The following PDCD4 variants were observed in gnomAD, a reference collection of about 807,000 sequenced individuals.
PDCD4 encodes the protein programmed cell death 4.
Under a neutral mutation model 54.0 loss-of-function variants are expected in PDCD4, and 56 were observed. The observed-to-expected ratio is 1.04, with a 90% confidence interval of 0.84 to 1.30. The LOEUF (loss-of-function observed/expected upper bound fraction) is 1.30, where lower values mean the gene tolerates loss of function less well. PDCD4 is among the 50% of genes most tolerant of loss of function. The pLI, the probability that PDCD4 is intolerant of heterozygous loss-of-function variation, is 0.00. For missense variants in PDCD4, 584 were observed against 559.8 expected (o/e 1.04, Z -0.44); for synonymous variants, 186 against 194.8 (o/e 0.95, Z 0.37).
intron 2 of PDCD4, among the ~76,000 whole-genome samples, chr10:110,877,198 G>A (rs1206589072): frequency 2.6e-5 from 4 of 152,142 alleles, no homozygotes; most frequent in Admixed American, 6.5e-5. Context: ...AATTGAGATG[G>A]GGATGGTAAT....
chr10:110,895,864 A>C (rs1305190574), intron 10 of PDCD4, 84 bp from the exon 11 acceptor site: 2 of 1,022,742 alleles, frequency 2.0e-6, no homozygotes, highest in Non-Finnish European at 2.8e-6. Context: ...CTTAAATACA[A>C]ATTGATGACA....
intron 7 of PDCD4, 84 bp from the exon 8 acceptor site, chr10:110,890,472 T>C (rs1191631942): frequency 3.3e-6 from 2 of 599,278 alleles, no homozygotes; most frequent in Non-Finnish European, 5.7e-6. Flanking sequence ...TTAGGGCATA[T>C]AGGATTTTGT....
In PDCD4 at chr10:110,872,891, T is replaced by G. The variant is rs74413566; in HGVS notation, c.-63+873T>G. Among the ~76,000 whole-genome samples the G allele has an allele frequency of 5.6e-3, 857 of 152,144 alleles. 5 individuals are homozygous for G. Among genetic ancestry groups the G allele is most frequent in the African/African-American group, 0.02 (820 of 41,498 alleles). On this transcript the variant is annotated intron_variant, in intron 1 of 11. Coordinates refer to ENST00000280154, the MANE Select transcript of PDCD4 (RefSeq NM_014456.5). ...TTCAAAACTGTCTGCAGACGTCAATTTCGCCCCCCTCCCCCTTGTGAGAAC... is the reference window on the plus strand; with the variant it reads ...TTCAAAACTGTCTGCAGACGTCAATGTCGCCCCCCTCCCCCTTGTGAGAAC...
Position 110,879,177 on chromosome 10 carries a change from T to G in PDCD4, c.44-2056T>G, listed in dbSNP as rs1477320717. The stretch of plus-strand genomic sequence containing the variant: ...CTTGTGACTGAATTACTGAAGCATT[T>G]TCTTAGCGGTTTCCTACTTTATACT... On this transcript the variant is annotated intron_variant, in intron 2 of 11. Coordinates refer to ENST00000280154, the MANE Select transcript of PDCD4 (RefSeq NM_014456.5). 1.3e-4 allele frequency among the ~76,000 whole-genome samples: 20 copies of G among 152,218 alleles called. 1 individual carries two copies. The highest frequency in any genetic ancestry group is 1.3e-3 in the Admixed American group (20 of 15,290).
At chr10:110,878,054 T>G (rs1313640829) in intron 2 of PDCD4, among the ~76,000 whole-genome samples, 1 of 152,174 alleles carries the variant, frequency 6.6e-6, no homozygotes, top group African/African-American at 2.4e-5. Context: ...TATTGAGATA[T>G]CAGAATTCAG....
At chr10:110,876,780 G>A (rs1845512166) in intron 2 of PDCD4, 1 of 814,126 alleles carries the variant, frequency 1.2e-6, no homozygotes, top group Non-Finnish European at 1.8e-6. Context: ...AATTTAAAAT[G>A]TATTTATAGT....
At chr10:110,895,721 C>T (rs1018848245) in intron 10 of PDCD4, among the ~76,000 whole-genome samples, 14 of 152,188 alleles carry the variant, frequency 9.2e-5, no homozygotes. Context: ...TCCCTTTTCT[C>T]CTCAACCTTG....
In PDCD4 at chr10:110,885,210, G is replaced by T. The variant is rs1174394867; in HGVS notation, c.442-43G>T. Reference sequence around the variant, plus strand: ...GTACAACAATTTCACTTGTTTATTTGCATTTTGTTTTTTATAACTCTTACT... The same window carrying T: ...GTACAACAATTTCACTTGTTTATTTTCATTTTGTTTTTTATAACTCTTACT... On this transcript the variant is annotated intron_variant, in intron 4 of 11. Transcript: ENST00000280154. 9.3e-6 allele frequency: 8 copies of T among 860,492 alleles called. No homozygotes were observed. In the South Asian group the frequency reaches 1.0e-4, roughly 11 times the overall value. 53.3% of individuals were successfully genotyped at this position (860,492 alleles called of 1,614,324 possible).
At chr10:110,884,885 T>C (rs1197017674) in intron 4 of PDCD4, 2 of 157,134 alleles carry the variant, frequency 1.3e-5, no homozygotes, top group East Asian at 1.8e-4. Context: ...CCTCGAACTC[T>C]TGGGCTTAAG....
intron 2 of PDCD4, among the ~76,000 whole-genome samples, chr10:110,879,394 C>T (rs970851192): frequency 5.3e-5 from 8 of 152,104 alleles, no homozygotes; most frequent in African/African-American, 1.4e-4. Context: ...TGGCTGGGTG[C>T]GGTGGCTCAC....
chr10:110,898,371 T>C lies in PDCD4; in HGVS notation c.*283T>C. On this transcript the variant is annotated 3_prime_UTR_variant, in exon 12 of 12. Coordinates refer to ENST00000280154, the MANE Select transcript of PDCD4 (RefSeq NM_014456.5). ...AAGTGCCATGTTTATTATCTAATCA[T>C]TCCAAGTTTTGCATTGATGTCTGAC... 2 of 239,010 alleles carry C rather than the reference T, an allele frequency of 8.4e-6. No homozygotes were observed. Among genetic ancestry groups the C allele is most frequent in the Middle Eastern group, 1.3e-3 (1 of 778 alleles). 14.8% of individuals were successfully genotyped at this position (239,010 alleles called of 1,614,324 possible).
Position 110,889,573 on chromosome 10 carries a change from T to A in PDCD4, c.818T>A (p.Ile273Asn). 2 of 1,608,494 alleles carry A rather than the reference T, an allele frequency of 1.2e-6. No homozygotes were observed. The highest frequency in any genetic ancestry group is 3.3e-5 in the Admixed American group (2 of 59,954). The change falls in exon 7 of 12, where the codon ATT (isoleucine) becomes AAT (asparagine). Residue 273 changes from isoleucine (I) to asparagine (N), a missense_variant. Coordinates refer to ENST00000280154, the MANE Select transcript of PDCD4 (RefSeq NM_014456.5). ...ATTGCTAGAGCTGTTGGAGATGGAA[T>A]TTTATGTAATACCTATATTGATAGT... Reference protein sequence around the residue: ...QFIARAVGDGILCNTYIDSYK... With the variant: ...QFIARAVGDGNLCNTYIDSYK...
intron 8 of PDCD4, 191 bp downstream of exon 8, chr10:110,890,861 GTC>G (rs1564684548): frequency 5.2e-6 from 2 of 382,066 alleles, no homozygotes; most frequent in Non-Finnish European, 4.6e-6. Context: ...TAAAAAATGA[GTC>G]TGTTAAAATG....
intron 6 of PDCD4, 152 bp from the exon 7 acceptor site, chr10:110,889,381 C>G: frequency 1.6e-6 from 1 of 612,624 alleles, no homozygotes; most frequent in Admixed American, 3.0e-5. Flanking sequence ...ATAACAGGTA[C>G]TACATAGGTT....
At chr10:110,889,775 T>C (rs907890411) in intron 7 of PDCD4, 145 bp downstream of exon 7, 8 of 613,378 alleles carry the variant, frequency 1.3e-5, no homozygotes, top group African/African-American at 3.7e-5. Context: ...ATGGAGAGAC[T>C]ATTGGCATGA....
chr10:110,896,802 T>C (rs1845840752), intron 11 of PDCD4, among the ~76,000 whole-genome samples: 1 of 152,198 alleles, frequency 6.6e-6, no homozygotes, highest in African/African-American at 2.4e-5. Context: ...GAAAATTTCT[T>C]AAGCTTTGAT....
intron 10 of PDCD4, among the ~76,000 whole-genome samples, chr10:110,895,530 C>T (rs77482488): frequency 0.058 from 8,879 of 152,062 alleles, 300 homozygotes; most frequent in East Asian, 0.097. Context: ...GAATAGTACC[C>T]GATAAATATA....
intron 1 of PDCD4, among the ~76,000 whole-genome samples, chr10:110,873,801 GTTATCATTGCC>G (rs1845460592): frequency 6.6e-6 from 1 of 152,108 alleles, no homozygotes. Context: ...TCCTGATCGG[GTTATCATTGCC>G]TAAAGACACA....
intron 2 of PDCD4, among the ~76,000 whole-genome samples, chr10:110,879,480 C>G (rs1236907978): frequency 6.6e-6 from 1 of 151,862 alleles, no homozygotes; most frequent in Admixed American, 6.6e-5. Context: ...TCCTGGCTAA[C>G]ACGGTGACCC....
Sources: allele counts gnomAD v4.1 joint callset (sites outside exome capture counted in the v4.1 genomes callset), GRCh38; gene constraint gnomAD v4.1.1; transcripts MANE v1.5; gene names NCBI Gene and HGNC (gene_info 2026-07-23, HGNC 2026-07-21).